ANKRD6: variants seen among roughly 807,000 people sequenced by gnomAD.
ANKRD6 encodes ankyrin repeat domain-containing protein 6.
Under a neutral mutation model 82.3 loss-of-function variants are expected in ANKRD6, and 56 were observed. The observed-to-expected ratio is 0.68, with a 90% CI of 0.55 to 0.85. The LOEUF (loss-of-function observed/expected upper bound fraction) is 0.85. ANKRD6 is among the 40% of genes least tolerant of loss of function. The pLI, the probability that ANKRD6 is intolerant of heterozygous loss-of-function variation, is 0.00. For synonymous variants in ANKRD6, 347 were observed against 352.1 expected, an observed-to-expected ratio of 0.99 and a Z score of 0.16; for missense variants, 852 against 907.6, an observed-to-expected ratio of 0.94 and a Z score of 0.79.
At chr6:89,476,217 G>A (rs1487214883) in intron 1 of ANKRD6, among the ~76,000 whole-genome samples, 3 of 151,736 alleles carry the variant, frequency 2.0e-5, no homozygotes, top group Non-Finnish European at 4.4e-5. Flanking sequence ...ACGGATTCTT[G>A]CTTTGTTGTC....
At chr6:89,500,123 C>T (rs1165039063) in intron 1 of ANKRD6, among the ~76,000 whole-genome samples, 1 of 152,134 alleles carries the variant, frequency 6.6e-6, no homozygotes, top group Non-Finnish European at 1.5e-5. Flanking sequence ...TTTTATCTTG[C>T]TCCAGTTGAT....
chr6:89,619,800 G>A (rs1335963011), intron 9 of ANKRD6: 1 of 152,124 alleles, frequency 6.6e-6, no homozygotes, highest in African/African-American at 2.4e-5. Flanking sequence ...CTTGCCTTAG[G>A]CCCGTAGTTG....
At chr6:89,620,623 A>G (rs1400472096) in intron 9 of ANKRD6, among the ~76,000 whole-genome samples, 4 of 152,276 alleles carry the variant, frequency 2.6e-5, no homozygotes, top group East Asian at 3.9e-4. Flanking sequence ...AAAGATCTGT[A>G]TTCTGTTAAA....
chr6:89,557,677 A>G (rs1395217893), intron 1 of ANKRD6, among the ~76,000 whole-genome samples: 1 of 152,152 alleles, frequency 6.6e-6, no homozygotes, highest in Non-Finnish European at 1.5e-5. Flanking sequence ...GAACCTTGCC[A>G]CACAGCAGGA....
At chr6:89,565,408 A>T (rs1583313147) in intron 1 of ANKRD6, 1 of 152,248 alleles carries the variant, frequency 6.6e-6, no homozygotes, top group African/African-American at 2.4e-5. Context: ...TTGATAATTC[A>T]CAAGAGTGGG....
intron 3 of ANKRD6, 152 bp from the exon 4 acceptor site, chr6:89,602,877 G>A (rs28641682): frequency 2.3e-5 from 14 of 595,810 alleles, no homozygotes; most frequent in African/African-American, 3.7e-5. Context: ...CACAAAGCCC[G>A]CCTTGCCTGT....
intron 4 of ANKRD6, 51 bp downstream of exon 4, chr6:89,603,178 C>T (rs1200047075): frequency 1.3e-6 from 2 of 1,532,688 alleles, no homozygotes; most frequent in Non-Finnish European, 1.8e-6. Flanking sequence ...AAGCCAGTGG[C>T]TCAGGGGAGC....
chr6:89,502,685 T>G (rs977536470), intron 1 of ANKRD6, among the ~76,000 whole-genome samples: 4 of 152,220 alleles, frequency 2.6e-5, no homozygotes, highest in Non-Finnish European at 5.9e-5. Context: ...GACGGGACCC[T>G]TTTTGAGCTT....
intron 1 of ANKRD6, among the ~76,000 whole-genome samples, chr6:89,513,442 C>G (rs1780808182): frequency 6.6e-6 from 1 of 152,112 alleles, no homozygotes; most frequent in South Asian, 2.1e-4. Context: ...TTTGCCTGTT[C>G]TGAATTCTAT....
At chr6:89,507,653 C>A (rs1033550853) in intron 1 of ANKRD6, among the ~76,000 whole-genome samples, 1 of 152,164 alleles carries the variant, frequency 6.6e-6, no homozygotes, top group Non-Finnish European at 1.5e-5. Context: ...AATTCCTTGT[C>A]ATTCATGGGA....
chr6:89,482,991 T>C (rs1776974686), intron 1 of ANKRD6, among the ~76,000 whole-genome samples: 1 of 152,216 alleles, frequency 6.6e-6, no homozygotes, highest in African/African-American at 2.4e-5. Context: ...CTCATATTGA[T>C]CTATAAACAA....
At chr6:89,529,581 C>T (rs1782898338) in intron 1 of ANKRD6, among the ~76,000 whole-genome samples, 1 of 152,224 alleles carries the variant, frequency 6.6e-6, no homozygotes, top group Admixed American at 6.5e-5. Flanking sequence ...AGAACTTTTC[C>T]TTTGCATTCA....
chr6:89,495,440 C>A (rs1488795270), intron 1 of ANKRD6, among the ~76,000 whole-genome samples: 5 of 152,222 alleles, frequency 3.3e-5, no homozygotes, highest in African/African-American at 1.2e-4. Context: ...TAGATAGGAC[C>A]AGGGCTGAGC....
Position 89,433,248 on chromosome 6 carries a change from G to T in ANKRD6, c.-271G>T, listed in dbSNP as rs998464498. On this transcript the variant is annotated 5_prime_UTR_variant, in exon 1 of 16. Coordinates refer to ENST00000339746, the MANE Select transcript of ANKRD6 (RefSeq NM_001242809.2). The surrounding 1 kb of genome is among the most constrained non-coding windows in gnomAD (Gnocchi z 4.3). ...GCGCGCGGGCGGCTGGAGGCACGGC[G>T]CTGGGCGGCGCCGAGGCCCTGGGGC... 8.6e-5 allele frequency: 13 copies of T among 151,798 alleles called. No individual in the cohort carries two copies. Among genetic ancestry groups the T allele is most frequent in the African/African-American group, 3.1e-4 (13 of 41,376 alleles). 9.4% of individuals were successfully genotyped at this position (151,798 alleles called of 1,614,324 possible).
chr6:89,626,922 A>G (rs1191755266), intron 13 of ANKRD6, among the ~76,000 whole-genome samples: 1 of 152,240 alleles, frequency 6.6e-6, no homozygotes, highest in Non-Finnish European at 1.5e-5. Context: ...CAAGAGCCGG[A>G]TAAAAGCTCA....
intron 1 of ANKRD6, among the ~76,000 whole-genome samples, chr6:89,558,576 A>T (rs1361799624): frequency 6.6e-6 from 1 of 152,124 alleles, no homozygotes; most frequent in African/African-American, 2.4e-5. Flanking sequence ...GGGGCAAGAG[A>T]GGGATGAATA....
At chr6:89,615,755 G>T (rs1418720892) in intron 7 of ANKRD6, among the ~76,000 whole-genome samples, 1 of 152,130 alleles carries the variant, frequency 6.6e-6, no homozygotes, top group Non-Finnish European at 1.5e-5. Flanking sequence ...ATAGGAGAAA[G>T]AATGAATTGT....
At chr6:89,515,114 A>C (rs1781049820) in intron 1 of ANKRD6, among the ~76,000 whole-genome samples, 2 of 152,086 alleles carry the variant, frequency 1.3e-5, no homozygotes, top group Admixed American at 6.5e-5. Flanking sequence ...TGAACTATAA[A>C]TCTCCTGTCA....
intron 2 of ANKRD6, among the ~76,000 whole-genome samples, chr6:89,587,208 A>AG (rs1273817910): frequency 1.3e-5 from 2 of 148,210 alleles, no homozygotes; most frequent in African/African-American, 5.0e-5. Context: ...AAAAAAAAAA[A>AG]GGCTGGGTGC....
Sources: gnomAD v4.1 joint callset for allele counts (sites outside exome capture counted in the v4.1 genomes callset) on GRCh38, gnomAD v4.1.1 for gene constraint, Gnocchi (gnomAD v3.1) non-coding constraint, MANE v1.5 for transcripts, NCBI Gene and HGNC (gene_info 2026-07-23, HGNC 2026-07-21) for gene names.